Variants in AFTPH observed in about 807,000 individuals in gnomAD.
AFTPH encodes aftiphilin, also known as aftiphilin protein.
AFTPH carries 7 observed loss-of-function variants against 72.5 expected under a neutral mutation model. The ratio of observed to expected loss-of-function variants is 0.10; its 90% CI spans 0.05 to 0.18. AFTPH has a LOEUF of 0.18. Among genes scored for constraint, AFTPH ranks in the 10% least tolerant of loss-of-function variants. AFTPH has a pLI of 1.00. For missense variants in AFTPH, 979 were observed against 1,060.5 expected (o/e 0.92, Z 1.07); for synonymous variants, 337 against 370.1 (o/e 0.91, Z 1.03).
chr2:64,547,736 G>A (rs531830805), intron 1 of AFTPH, among the ~76,000 whole-genome samples: 1 of 112,056 alleles, frequency 8.9e-6, no homozygotes, highest in Non-Finnish European at 1.7e-5. Flanking sequence ...GGTAGCTTTT[G>A]TATTCTTTTG....
intron 1 of AFTPH, among the ~76,000 whole-genome samples, chr2:64,528,744 A>G (rs771297487): frequency 1.3e-5 from 2 of 152,158 alleles, no homozygotes; most frequent in Non-Finnish European, 2.9e-5. Context: ...GTGAACAAGT[A>G]GAAGAGTAGT....
At chr2:64,534,890 A>C (rs1669805340) in intron 1 of AFTPH, among the ~76,000 whole-genome samples, 1 of 152,166 alleles carries the variant, frequency 6.6e-6, no homozygotes, top group African/African-American at 2.4e-5. Context: ...TCCCAAATCT[A>C]GAGCTGTCTC....
At chr2:64,563,475 T>C (rs1286271452) in intron 2 of AFTPH, among the ~76,000 whole-genome samples, 1 of 152,226 alleles carries the variant, frequency 6.6e-6, no homozygotes, top group East Asian at 1.9e-4. Context: ...GGAAAATCTA[T>C]TTCCTGAAAA....
intron 7 of AFTPH, 154 bp downstream of exon 7, chr2:64,579,700 C>T: frequency 1.6e-6 from 1 of 606,300 alleles, no homozygotes; most frequent in South Asian, 2.7e-5. Context: ...AGTAATTGCT[C>T]AAGAAACCAG....
At chr2:64,529,656 G>C (rs140404448) in intron 1 of AFTPH, among the ~76,000 whole-genome samples, 9 of 148,062 alleles carry the variant, frequency 6.1e-5, no homozygotes, top group African/African-American at 2.2e-4. Flanking sequence ...TTGAGACAGA[G>C]TCTCACTGTG....
intron 1 of AFTPH, among the ~76,000 whole-genome samples, chr2:64,550,534 C>T (rs563434144): frequency 6.6e-6 from 1 of 152,058 alleles, no homozygotes; most frequent in African/African-American, 2.4e-5. Context: ...TAGAATAGAT[C>T]GAGGATTAGG....
chr2:64,576,155 G>GTATATATA (rs1346248552), intron 6 of AFTPH, among the ~76,000 whole-genome samples: 1 of 138,998 alleles, frequency 7.2e-6, no homozygotes, highest in Non-Finnish European at 1.6e-5. Context: ...GTGTGTGTGT[G>GTATATATA]TATGTATATA....
intron 1 of AFTPH, among the ~76,000 whole-genome samples, chr2:64,527,989 A>T (rs967987061): frequency 6.6e-6 from 1 of 152,206 alleles, no homozygotes; most frequent in African/African-American, 2.4e-5. Flanking sequence ...CTGCTTATTG[A>T]TTTGGGATAA....
intron 6 of AFTPH, among the ~76,000 whole-genome samples, chr2:64,576,807 A>G (rs560220588): frequency 6.6e-6 from 1 of 152,142 alleles, no homozygotes; most frequent in East Asian, 1.9e-4. Flanking sequence ...TGCCCAGGCT[A>G]GAGTGCAATG....
chr2:64,536,516 C>T (rs1002447476), intron 1 of AFTPH, among the ~76,000 whole-genome samples: 11 of 146,420 alleles, frequency 7.5e-5, no homozygotes, highest in African/African-American at 2.5e-4. Flanking sequence ...TTGTAGTGAT[C>T]GCGCCACTGC....
At chr2:64,549,243 G>T (rs1670867704) in intron 1 of AFTPH, among the ~76,000 whole-genome samples, 1 of 144,882 alleles carries the variant, frequency 6.9e-6, no homozygotes, top group South Asian at 2.3e-4. Context: ...GCTGTGAGTT[G>T]TAAGAAGTAT....
At chr2:64,568,480 C>T (rs1672223791) in intron 3 of AFTPH, among the ~76,000 whole-genome samples, 1 of 152,142 alleles carries the variant, frequency 6.6e-6, no homozygotes, top group Non-Finnish European at 1.5e-5. Context: ...CTTCCCTTCA[C>T]TTAGATCCCA....
At position 64,591,426 on chromosome 2, in the gene AFTPH, G is replaced by A. The variant is rs1323201720; in HGVS notation, c.2580-459G>A. 2.6e-5 allele frequency among the ~76,000 whole-genome samples: 4 copies of A among 152,244 alleles called. No individual in the cohort carries two copies. The East Asian group carries it at 5.8e-4, about 22-fold the overall frequency. On this transcript the variant is annotated intron_variant, in intron 8 of 8. Coordinates refer to ENST00000238856, the Ensembl canonical transcript of AFTPH. ...CCCACTGGGGATAAAGAGAGCCTGA[G>A]GTTAAAATGACTTAGTCTTTCCCTG...
intron 1 of AFTPH, among the ~76,000 whole-genome samples, chr2:64,531,149 C>G (rs1669612844): frequency 6.6e-6 from 1 of 151,236 alleles, no homozygotes; most frequent in African/African-American, 2.4e-5. Context: ...GTTATCTCTG[C>G]TATTTCCCAC....
At chr2:64,528,307 A>T (rs1005794521) in intron 1 of AFTPH, among the ~76,000 whole-genome samples, 1 of 152,196 alleles carries the variant, frequency 6.6e-6, no homozygotes, top group Non-Finnish European at 1.5e-5. Flanking sequence ...ACAAGTATCT[A>T]TTGAGCACCT....
At chr2:64,533,585 T>G (rs1669741482) in intron 1 of AFTPH, among the ~76,000 whole-genome samples, 1 of 152,098 alleles carries the variant, frequency 6.6e-6, no homozygotes, top group Non-Finnish European at 1.5e-5. Context: ...ATATCTTAAT[T>G]AAGAGTGAAT....
chr2:64,584,833 T>A (rs1364138944), intron 7 of AFTPH, among the ~76,000 whole-genome samples: 1 of 152,174 alleles, frequency 6.6e-6, no homozygotes, highest in Non-Finnish European at 1.5e-5. Flanking sequence ...CCTGACTTTG[T>A]GATCTGCCCG....
intron 7 of AFTPH, among the ~76,000 whole-genome samples, chr2:64,582,175 A>G (rs909245358): frequency 6.6e-6 from 1 of 152,220 alleles, no homozygotes; most frequent in Non-Finnish European, 1.5e-5. Context: ...ATGCATAGTG[A>G]GAGTCCCTTT....
intron 8 of AFTPH, among the ~76,000 whole-genome samples, chr2:64,590,083 G>C (rs777722229): frequency 1.6e-4 from 25 of 152,058 alleles, no homozygotes; most frequent in Non-Finnish European, 3.1e-4. Flanking sequence ...GCTATATTCA[G>C]ATTTCTCCAA....
Sources: gnomAD v4.1 joint callset for allele counts (sites outside exome capture counted in the v4.1 genomes callset) on GRCh38, gnomAD v4.1.1 for gene constraint, MANE v1.5 for transcripts, NCBI Gene and HGNC (gene_info 2026-07-23, HGNC 2026-07-21) for gene names.